The following CAMK4 variants were observed in gnomAD, a reference collection of about 807,000 sequenced individuals.
CAMK4 encodes the protein calcium/calmodulin-dependent protein kinase type IV.
In CAMK4, 22 loss-of-function variants were observed where a neutral mutation model predicts 44.9. The ratio of observed to expected loss-of-function variants is 0.49; its 90% CI spans 0.35 to 0.70. The LOEUF (loss-of-function observed/expected upper bound fraction) is 0.70. Ranked by LOEUF, CAMK4 falls within the 30% of genes least tolerant of loss-of-function variation. CAMK4 has a pLI of 0.01. For missense variants in CAMK4, 498 were observed against 586.8 expected (o/e 0.85, Z 1.56); for synonymous variants, 218 against 215.4 (o/e 1.01, Z -0.11).
intron 7 of CAMK4, among the ~76,000 whole-genome samples, chr5:111,455,065 A>G (rs532381291): frequency 2.8e-4 from 43 of 152,356 alleles, no homozygotes; most frequent in African/African-American, 9.6e-4. Flanking sequence ...GTATTAATAC[A>G]TAAAAATGTC....
intron 4 of CAMK4, among the ~76,000 whole-genome samples, chr5:111,385,008 A>G (rs1023525413): frequency 4.6e-5 from 7 of 152,294 alleles, no homozygotes; most frequent in Admixed American, 2.6e-4. Context: ...CAAGGAGCTC[A>G]TAGTCTAAAG....
At chr5:111,312,233 A>G (rs1448241697) in intron 1 of CAMK4, among the ~76,000 whole-genome samples, 1 of 152,166 alleles carries the variant, frequency 6.6e-6, no homozygotes, top group Non-Finnish European at 1.5e-5. Flanking sequence ...CCCAGAGAAT[A>G]TGGGTTTGAG....
chr5:111,326,282 C>A (rs1476895284), intron 1 of CAMK4, among the ~76,000 whole-genome samples: 1 of 151,770 alleles, frequency 6.6e-6, no homozygotes, highest in East Asian at 1.9e-4. Context: ...TCTCTATAAA[C>A]CCTATAGATA....
At chr5:111,377,942 T>C (rs889283340) in intron 4 of CAMK4, among the ~76,000 whole-genome samples, 1 of 152,026 alleles carries the variant, frequency 6.6e-6, no homozygotes, top group African/African-American at 2.4e-5. Flanking sequence ...ATGAATGGAC[T>C]CTGAGGAGAA....
At chr5:111,244,662 A>G (rs1050377394) in intron 1 of CAMK4, among the ~76,000 whole-genome samples, 1 of 152,164 alleles carries the variant, frequency 6.6e-6, no homozygotes, top group African/African-American at 2.4e-5. Context: ...GGAGATCAAG[A>G]CTATCTTGGC....
intron 7 of CAMK4, among the ~76,000 whole-genome samples, chr5:111,467,216 C>A (rs1414039335): frequency 6.6e-6 from 1 of 151,892 alleles, no homozygotes; most frequent in Admixed American, 6.6e-5. Context: ...AAATCTAAGA[C>A]CTAACACCAT....
At chr5:111,349,506 C>A (rs954314480) in intron 2 of CAMK4, among the ~76,000 whole-genome samples, 4 of 151,718 alleles carry the variant, frequency 2.6e-5, no homozygotes, top group Admixed American at 2.6e-4. Flanking sequence ...AAATGATGAA[C>A]TTAAAACTAT....
intron 7 of CAMK4, among the ~76,000 whole-genome samples, chr5:111,466,265 A>C (rs867196365): frequency 1.3e-5 from 2 of 152,196 alleles, no homozygotes; most frequent in African/African-American, 4.8e-5. Context: ...GAAAAGTTGA[A>C]AGCATTCCCC....
At chr5:111,480,565 T>C (rs777134496) in intron 9 of CAMK4, among the ~76,000 whole-genome samples, 20 of 152,164 alleles carry the variant, frequency 1.3e-4, no homozygotes, top group Non-Finnish European at 2.1e-4. Flanking sequence ...GTTTATTGGA[T>C]GAAACAATGG....
intron 1 of CAMK4, among the ~76,000 whole-genome samples, chr5:111,244,295 T>C (rs534876841): frequency 2.0e-5 from 3 of 152,342 alleles, no homozygotes; most frequent in African/African-American, 7.2e-5. Context: ...GGATATGTCT[T>C]AAAAATTGAA....
intron 4 of CAMK4, among the ~76,000 whole-genome samples, chr5:111,393,191 A>T (rs1479003804): frequency 1.3e-5 from 2 of 152,216 alleles, no homozygotes; most frequent in African/African-American, 4.8e-5. Flanking sequence ...GGATGTAGGC[A>T]TTGATAATCA....
At chr5:111,440,938 C>G (rs1178627359) in intron 5 of CAMK4, among the ~76,000 whole-genome samples, 1 of 152,166 alleles carries the variant, frequency 6.6e-6, no homozygotes, top group Non-Finnish European at 1.5e-5. Context: ...AGAATATCTA[C>G]TACATGCTCA....
chr5:111,336,243 A>C (rs1749397651), intron 1 of CAMK4, among the ~76,000 whole-genome samples: 1 of 151,194 alleles, frequency 6.6e-6, no homozygotes, highest in South Asian at 2.1e-4. Flanking sequence ...CTAATGTATA[A>C]TCTCCTTGCT....
At chr5:111,299,339 A>G (rs568488688) in intron 1 of CAMK4, among the ~76,000 whole-genome samples, 33 of 152,328 alleles carry the variant, frequency 2.2e-4, no homozygotes, top group African/African-American at 7.7e-4. Flanking sequence ...AATGCTGTAC[A>G]TAACGGCTTG....
chr5:111,303,953 A>C (rs1747844719), intron 1 of CAMK4, among the ~76,000 whole-genome samples: 1 of 118,990 alleles, frequency 8.4e-6, no homozygotes, highest in Non-Finnish European at 1.6e-5. Context: ...ACATTCTTAA[A>C]GAAAAGAATT....
At chr5:111,361,555 A>G (rs1040162232) in intron 2 of CAMK4, among the ~76,000 whole-genome samples, 2 of 152,072 alleles carry the variant, frequency 1.3e-5, no homozygotes, top group Admixed American at 6.6e-5. Context: ...AAAAGGCACT[A>G]AGAAGAAAGG....
At chr5:111,388,086 A>G (rs1286028736) in intron 4 of CAMK4, among the ~76,000 whole-genome samples, 2 of 152,176 alleles carry the variant, frequency 1.3e-5, no homozygotes, top group East Asian at 1.9e-4. Context: ...TGTTTAAGGA[A>G]TCATCTGGGA....
At chr5:111,239,182 C>T (rs541626327) in intron 1 of CAMK4, among the ~76,000 whole-genome samples, 31 of 152,222 alleles carry the variant, frequency 2.0e-4, no homozygotes, top group South Asian at 1.5e-3. Flanking sequence ...GGACTAGGAA[C>T]CCAGTATTCC....
intron 1 of CAMK4, among the ~76,000 whole-genome samples, chr5:111,297,106 A>G (rs1419349222): frequency 6.6e-6 from 1 of 152,218 alleles, no homozygotes; most frequent in African/African-American, 2.4e-5. Context: ...AGCTTCAGAC[A>G]CTTTTTAAAA....
Sources: gnomAD v4.1 joint callset for allele counts (sites outside exome capture counted in the v4.1 genomes callset) on GRCh38, gnomAD v4.1.1 for gene constraint, MANE v1.5 for transcripts, NCBI Gene and HGNC (gene_info 2026-07-23, HGNC 2026-07-21) for gene names.